Variants in SPATA17 observed in about 807,000 individuals in gnomAD.
The protein encoded by SPATA17 is spermatogenesis associated 17.
SPATA17 carries 53 observed loss-of-function variants against 62.2 expected under a neutral mutation model. The ratio of observed to expected loss-of-function variants is 0.85; its 90% CI spans 0.68 to 1.07. The LOEUF is 1.07. Ranked by LOEUF, SPATA17 falls within the 50% of genes least tolerant of loss-of-function variation. SPATA17 has a pLI of 0.00. For missense variants in SPATA17, 466 were observed against 425.5 expected, an observed-to-expected ratio of 1.10 and a Z score of -0.84; for synonymous variants, 146 against 146.8, an observed-to-expected ratio of 0.99 and a Z score of 0.04.
intron 2 of SPATA17, among the ~76,000 whole-genome samples, chr1:217,649,825 C>A (rs953859350): frequency 6.6e-6 from 1 of 151,168 alleles, no homozygotes; most frequent in Admixed American, 6.6e-5. Context: ...GAAAATATGC[C>A]TACTCCATAA....
At chr1:217,782,436 C>T in intron 8 of SPATA17, 114 bp downstream of exon 8, 1 of 1,139,242 alleles carries the variant, frequency 8.8e-7, no homozygotes, top group Non-Finnish European at 1.2e-6. Flanking sequence ...AAGGTAAAGC[C>T]ACCCCTGACC....
intron 5 of SPATA17, among the ~76,000 whole-genome samples, chr1:217,698,695 G>A (rs1166231998): frequency 1.3e-5 from 2 of 151,962 alleles, no homozygotes; most frequent in African/African-American, 4.8e-5. Flanking sequence ...AGTCTTATTC[G>A]GGTTTTCCCA....
intron 6 of SPATA17, among the ~76,000 whole-genome samples, chr1:217,750,903 T>C (rs1316448713): frequency 6.6e-6 from 1 of 152,178 alleles, no homozygotes; most frequent in African/African-American, 2.4e-5. Flanking sequence ...ATACATTCTG[T>C]AAAGCTGGGG....
chr1:217,785,312 A>C (rs1191165015), intron 8 of SPATA17, among the ~76,000 whole-genome samples: 1 of 152,132 alleles, frequency 6.6e-6, no homozygotes, highest in Non-Finnish European at 1.5e-5. Context: ...GAGACTGGGT[A>C]ATTTATGAAG....
chr1:217,828,398 T>C (rs1225793330), intron 9 of SPATA17, among the ~76,000 whole-genome samples: 1 of 151,582 alleles, frequency 6.6e-6, no homozygotes, highest in Admixed American at 6.6e-5. Flanking sequence ...AATTGGATGC[T>C]ATTTTTTACC....
intron 5 of SPATA17, among the ~76,000 whole-genome samples, chr1:217,698,465 G>A (rs899117160): frequency 5.3e-5 from 8 of 151,386 alleles, no homozygotes; most frequent in African/African-American, 1.7e-4. Context: ...TAGATTTAGT[G>A]TCAGAATGTG....
chr1:217,855,146 T>C (rs1282046195), intron 9 of SPATA17, among the ~76,000 whole-genome samples: 2 of 152,238 alleles, frequency 1.3e-5, no homozygotes, highest in South Asian at 2.1e-4. Flanking sequence ...CCCCATTTCA[T>C]TTGGTTCTTC....
At chr1:217,745,084 T>C (rs186327129) in intron 6 of SPATA17, among the ~76,000 whole-genome samples, 17 of 152,310 alleles carry the variant, frequency 1.1e-4, no homozygotes, top group African/African-American at 3.4e-4. Flanking sequence ...AAAAATTAGT[T>C]AGAAATTTCT....
At chr1:217,695,949 T>G (rs1393196698) in intron 5 of SPATA17, among the ~76,000 whole-genome samples, 1 of 146,706 alleles carries the variant, frequency 6.8e-6, no homozygotes, top group Non-Finnish European at 1.5e-5. Flanking sequence ...TCTTTTTGTT[T>G]GTCTGTGCCC....
At chr1:217,647,260 A>C (rs1434786513) in intron 1 of SPATA17, among the ~76,000 whole-genome samples, 1 of 152,134 alleles carries the variant, frequency 6.6e-6, no homozygotes, top group Non-Finnish European at 1.5e-5. Flanking sequence ...AGATAGAGGC[A>C]CTCATGGGCT....
intron 1 of SPATA17, among the ~76,000 whole-genome samples, chr1:217,636,863 T>C (rs1669953986): frequency 6.6e-6 from 1 of 152,234 alleles, no homozygotes. Context: ...CTTGTGTCAA[T>C]GAAACAAGTA....
chr1:217,753,028 A>G (rs907671835), intron 6 of SPATA17, among the ~76,000 whole-genome samples: 7 of 152,234 alleles, frequency 4.6e-5, no homozygotes, highest in Admixed American at 3.9e-4. Flanking sequence ...TGATCTGAAC[A>G]TGCCCACAGC....
At chr1:217,660,745 T>C (rs1469788546) in intron 3 of SPATA17, among the ~76,000 whole-genome samples, 2 of 152,236 alleles carry the variant, frequency 1.3e-5, no homozygotes, top group Admixed American at 6.5e-5. Flanking sequence ...ATGTGGGACA[T>C]AGCTACAGGG....
intron 6 of SPATA17, among the ~76,000 whole-genome samples, chr1:217,746,619 T>C (rs1016316396): frequency 5.3e-5 from 8 of 151,798 alleles, no homozygotes; most frequent in African/African-American, 1.9e-4. Flanking sequence ...ACTCATATGC[T>C]GATTGCAAAG....
chr1:217,678,329 C>A lies in SPATA17; in HGVS notation c.292-4929C>A, dbSNP rs563756885. ...GTTCAAGCAACTGTCCTGCCTCAGC[C>A]TCCTGAGTAGCTGGGATTACAGGCT... is the stretch of plus-strand genomic sequence containing the variant. On this transcript the variant is annotated intron_variant, in intron 4 of 10. Transcript: ENST00000366933. 7.9e-5 allele frequency among the ~76,000 whole-genome samples: 12 copies of A among 151,676 alleles called. No individual in the cohort carries two copies. In the East Asian group the frequency reaches 2.1e-3, roughly 27 times the overall value.
chr1:217,763,235 TAA>T (rs1289969592), intron 6 of SPATA17, among the ~76,000 whole-genome samples: 2 of 152,098 alleles, frequency 1.3e-5, no homozygotes, highest in Non-Finnish European at 2.9e-5. Context: ...CAATTAGTTA[TAA>T]GTGCCATGAA....
chr1:217,748,808 A>C (rs1324831543), intron 6 of SPATA17, among the ~76,000 whole-genome samples: 3 of 151,706 alleles, frequency 2.0e-5, no homozygotes, highest in Non-Finnish European at 4.4e-5. Flanking sequence ...TCTATCTTTT[A>C]AGTATCATAA....
rs369961364 is a variant in SPATA17 at position 217,642,942 on chromosome 1, C to T, written c.69-5940C>T. On this transcript the variant is annotated intron_variant, in intron 1 of 10. Coordinates refer to ENST00000366933, the MANE Select transcript of SPATA17 (RefSeq NM_138796.4). Reference sequence around the variant, plus strand: ...GTACTTTTCCTGCCAGCCCCTAGAACCATCCATTTTTCCAAAGAGCCTTTG... The same window carrying T: ...GTACTTTTCCTGCCAGCCCCTAGAATCATCCATTTTTCCAAAGAGCCTTTG... Among the ~76,000 whole-genome samples the T allele has an allele frequency of 6.6e-5, 10 of 152,202 alleles. No individual in the cohort carries two copies. The South Asian group carries it at 1.7e-3, about 25-fold the overall frequency.
At chr1:217,841,491 T>G (rs1675402191) in intron 9 of SPATA17, among the ~76,000 whole-genome samples, 2 of 152,052 alleles carry the variant, frequency 1.3e-5, no homozygotes, top group South Asian at 2.1e-4. Context: ...ATACAGTTTT[T>G]GGGCACAATG....
Sources: allele counts gnomAD v4.1 joint callset (sites outside exome capture counted in the v4.1 genomes callset), GRCh38; gene constraint gnomAD v4.1.1; transcripts MANE v1.5; gene names NCBI Gene and HGNC (gene_info 2026-07-23, HGNC 2026-07-21).